Variants in NFX1 observed in about 807,000 individuals in gnomAD.
NFX1 encodes transcriptional repressor NF-X1.
In NFX1, 69 loss-of-function variants were observed where a neutral mutation model predicts 137.2. The ratio of observed to expected loss-of-function variants is 0.50; its 90% CI spans 0.41 to 0.61. The LOEUF (loss-of-function observed/expected upper bound fraction) is 0.61. NFX1 is among the 20% of genes least tolerant of loss of function. The pLI is 0.00. For synonymous variants in NFX1, 495 were observed against 474.1 expected (o/e 1.04, Z -0.57); for missense variants, 1,167 against 1,391.0 (o/e 0.84, Z 2.56).
chr9:33,351,480 A>C, intron 15 of NFX1, 80 bp from the exon 16 acceptor site: 1 of 1,357,426 alleles, frequency 7.4e-7, no homozygotes, highest in Admixed American at 1.8e-5. Flanking sequence ...CCATAAGCTT[A>C]GAAATGTTTA....
At chr9:33,327,559 GTT>G (rs566905614) in intron 9 of NFX1, among the ~76,000 whole-genome samples, 1,789 of 151,682 alleles carry the variant, frequency 0.012, 24 homozygotes, top group Non-Finnish European at 0.016. Flanking sequence ...TAGAGACAGG[GTT>G]TCACCATGTT....
At chr9:33,357,958 A>G (rs952253614) in intron 19 of NFX1, among the ~76,000 whole-genome samples, 5 of 152,080 alleles carry the variant, frequency 3.3e-5, no homozygotes, top group Non-Finnish European at 7.4e-5. Flanking sequence ...AATCTTTACA[A>G]TGTTAAATTT....
chr9:33,324,074 C>T (rs1822488510), intron 9 of NFX1, among the ~76,000 whole-genome samples: 1 of 152,000 alleles, frequency 6.6e-6, no homozygotes, highest in African/African-American at 2.4e-5. Context: ...GACCCTATCT[C>T]TACAAAAAAT....
At chr9:33,338,299 G>A (rs1254523502) in intron 11 of NFX1, among the ~76,000 whole-genome samples, 1 of 151,576 alleles carries the variant, frequency 6.6e-6, no homozygotes, top group East Asian at 1.9e-4. Flanking sequence ...ATGTTGCAGT[G>A]AGCCGAGATC....
chr9:33,318,897 G>A lies in NFX1; in HGVS notation c.1689-13G>A. The A allele has an allele frequency of 3.1e-6, 5 of 1,614,202 alleles. No homozygotes were observed. Among genetic ancestry groups the A allele is most frequent in the African/African-American group, 2.7e-5 (2 of 75,066 alleles). On this transcript the variant is annotated splice_polypyrimidine_tract_variant and intron_variant, in intron 8 of 23. Transcript: ENST00000379540. ...TTATGCAACAATTATGTAATAGTGT[G>A]TTTTCTTAACAGGGACTTGAAATGC...
In NFX1 at chr9:33,370,052, C is replaced by A; in HGVS notation, c.*74C>A. ...CTTATTTGCCAGCAGATAAATCATG[C>A]CCGTTCCCCTCTGCCTGGCAGAATC... is the stretch of plus-strand genomic sequence containing the variant. On this transcript the variant is annotated 3_prime_UTR_variant, in exon 24 of 24. Transcript: ENST00000379540. 8.7e-7 allele frequency: 1 copy of A among 1,143,164 alleles called. No individual in the cohort carries two copies. The highest frequency in any genetic ancestry group is 1.3e-6 in the Non-Finnish European group (1 of 768,262). 70.8% of individuals were successfully genotyped at this position (1,143,164 alleles called of 1,614,324 possible).
intron 18 of NFX1, 21 bp downstream of exon 18, chr9:33,354,208 A>G (rs1215612434): frequency 1.3e-6 from 2 of 1,574,384 alleles, no homozygotes; most frequent in African/African-American, 1.4e-5. Context: ...AAATGCATAT[A>G]TGTGCCTTCT....
chr9:33,352,647 TA>T lies in NFX1; in HGVS notation c.2658del (p.Glu887SerfsTer13). The T allele has an allele frequency of 6.2e-7, 1 of 1,614,106 alleles. No individual in the cohort carries two copies. Among genetic ancestry groups the T allele is most frequent in the Non-Finnish European group, 8.5e-7 (1 of 1,179,930 alleles). On this transcript the variant is annotated frameshift_variant and splice_region_variant, in exon 17 of 24. Coordinates refer to ENST00000379540, the MANE Select transcript of NFX1 (RefSeq NM_002504.6). LOFTEE classifies it high-confidence loss of function. Reference sequence around the variant, plus strand: ...CGTTCCATGTTCATCTGACTTCAGGTAGAGCTACAGTGTGAATGTGGACGAA... The same window carrying T: ...CGTTCCATGTTCATCTGACTTCAGGTGAGCTACAGTGTGAATGTGGACGAA... ...PCPVTACKAK[V>X]ELQCECGRRK... is the part of the protein sequence containing the mutation.
chr9:33,305,840 A>G (rs1170426459), intron 4 of NFX1, among the ~76,000 whole-genome samples: 2 of 152,226 alleles, frequency 1.3e-5, no homozygotes, highest in African/African-American at 4.8e-5. Flanking sequence ...ACAGTGAAAT[A>G]TGTCCAACAG....
chr9:33,321,789 G>C (rs1822394132), intron 9 of NFX1, among the ~76,000 whole-genome samples: 1 of 151,890 alleles, frequency 6.6e-6, no homozygotes, highest in Non-Finnish European at 1.5e-5. Flanking sequence ...TGAGGCAAAA[G>C]GATCATTTGA....
chr9:33,338,219 G>T (rs1354032596), intron 11 of NFX1, among the ~76,000 whole-genome samples: 3 of 151,848 alleles, frequency 2.0e-5, no homozygotes, highest in African/African-American at 7.3e-5. Context: ...GCTGGGTGTG[G>T]TGGCAGGCAC....
At chr9:33,366,797 G>C (rs1033558480) in intron 22 of NFX1, 23 bp downstream of exon 22, 2 of 1,609,832 alleles carry the variant, frequency 1.2e-6, no homozygotes, top group Non-Finnish European at 8.5e-7. Flanking sequence ...CGCCGTCAGA[G>C]GAAGAACTCC....
chr9:33,352,407 C>T (rs1424280685), intron 16 of NFX1: 2 of 621,878 alleles, frequency 3.2e-6, no homozygotes, highest in South Asian at 3.0e-5. Context: ...GCCCCTTCAG[C>T]CAGGATTAAG....
intron 11 of NFX1, among the ~76,000 whole-genome samples, chr9:33,333,853 C>T (rs561098342): frequency 4.6e-5 from 7 of 152,270 alleles, no homozygotes; most frequent in South Asian, 2.1e-4. Flanking sequence ...TTATTAAAAA[C>T]ATAATTTGGG....
chr9:33,368,048 AC>A (rs1395018453), intron 23 of NFX1, among the ~76,000 whole-genome samples: 1 of 152,226 alleles, frequency 6.6e-6, no homozygotes, highest in Non-Finnish European at 1.5e-5. Flanking sequence ...AGCCTGGCCA[AC>A]AAGGTGAAAA....
At chr9:33,327,975 G>C (rs1311722581) in intron 9 of NFX1, among the ~76,000 whole-genome samples, 1 of 152,170 alleles carries the variant, frequency 6.6e-6, no homozygotes, top group African/African-American at 2.4e-5. Context: ...CTACACTGGA[G>C]ATGTGGGGCC....
chr9:33,310,957 C>G (rs1821939115), intron 5 of NFX1, 149 bp from the exon 6 acceptor site: 2 of 629,328 alleles, frequency 3.2e-6, no homozygotes, highest in African/African-American at 1.8e-5. Context: ...TATCTTTGTT[C>G]AAATAGTTTA....
chr9:33,293,491 A>G (rs551196455), intron 1 of NFX1, among the ~76,000 whole-genome samples: 1 of 152,342 alleles, frequency 6.6e-6, no homozygotes, highest in African/African-American at 2.4e-5. Context: ...AGAGGTTGTT[A>G]CTATCTTCAT....
chr9:33,351,705 C>G lies in NFX1; in HGVS notation c.2570C>G (p.Thr857Ser), dbSNP rs773522181. Residue 857 changes from threonine (T) to serine (S), a missense_variant, in exon 16 of 24, where the codon ACC (threonine) becomes AGC (serine). By Grantham distance (58) the Thr-to-Ser change is moderately conservative. Around this residue, in one of 3 missense-constraint regions of NFX1, gnomAD observed 488 missense variants for 691.5 expected, o/e 0.71. Coordinates refer to ENST00000379540, the MANE Select transcript of NFX1 (RefSeq NM_002504.6). ...LVDEPCKQPC[T>S]TPRADCGHPC... Reference sequence around the variant, plus strand: ...GATGAGCCCTGCAAGCAGCCCTGCACCACCCCCAGAGCTGACTGTGGTCAC... The same window carrying G: ...GATGAGCCCTGCAAGCAGCCCTGCAGCACCCCCAGAGCTGACTGTGGTCAC... 1.2e-6 allele frequency: 2 copies of G among 1,613,998 alleles called. No homozygotes were observed. Among genetic ancestry groups the G allele is most frequent in the Non-Finnish European group, 1.7e-6 (2 of 1,179,950 alleles).
Sources: gnomAD v4.1 joint callset for allele counts (sites outside exome capture counted in the v4.1 genomes callset) on GRCh38, gnomAD v4.1.1 for gene constraint, gnomAD v4.1.1 regional missense constraint, MANE v1.5 for transcripts, NCBI Gene and HGNC (gene_info 2026-07-23, HGNC 2026-07-21) for gene names.